Variants in BCL2 observed in about 807,000 individuals in gnomAD.
BCL2 encodes BCL2 apoptosis regulator, also known as apoptosis regulator Bcl-2.
In BCL2, 1 loss-of-function variant was observed where a neutral mutation model predicts 14.2. The ratio of observed to expected loss-of-function variants is 0.07; its 90% CI spans 0.02 to 0.33. The LOEUF is 0.33. Among genes scored for constraint, BCL2 ranks in the 10% least tolerant of loss-of-function variants. BCL2 has a pLI of 0.99. For synonymous variants in BCL2, 151 were observed against 137.2 expected (o/e 1.10, Z -0.70); for missense variants, 247 against 305.9 (o/e 0.81, Z 1.44).
intron 2 of BCL2, among the ~76,000 whole-genome samples, chr18:63,147,719 T>G (rs1439887387): frequency 1.3e-5 from 2 of 152,212 alleles, no homozygotes; most frequent in East Asian, 1.9e-4. Context: ...TTATGAAAAA[T>G]TAAGGGATGT....
chr18:63,181,700 T>A (rs1053658835), intron 2 of BCL2, among the ~76,000 whole-genome samples: 10 of 152,190 alleles, frequency 6.6e-5, no homozygotes, highest in Admixed American at 5.9e-4. Context: ...TTCACCATCA[T>A]CCTATCAAAT....
chr18:63,256,039 G>A (rs1292273174), intron 2 of BCL2, among the ~76,000 whole-genome samples: 1 of 152,038 alleles, frequency 6.6e-6, no homozygotes, highest in Non-Finnish European at 1.5e-5. Context: ...TTACCTGATG[G>A]TTAATTAATC....
chr18:63,244,630 C>A (rs994082864), intron 2 of BCL2, among the ~76,000 whole-genome samples: 1 of 152,100 alleles, frequency 6.6e-6, no homozygotes, highest in Non-Finnish European at 1.5e-5. Flanking sequence ...CTAGAATAAT[C>A]CAGGTAAAAT....
intron 2 of BCL2, among the ~76,000 whole-genome samples, chr18:63,169,248 T>TTTTCTTTCTTTCTTTCTTTCTTTC (rs145779306): frequency 2.3e-4 from 25 of 108,264 alleles, no homozygotes; most frequent in South Asian, 3.3e-4. Flanking sequence ...CCCTTCGTGT[T>TTTTCTTTCTTTCTTTCTTTCTTTC]TTTCTTTCTT....
chr18:63,203,136 G>A (rs1909746081), intron 2 of BCL2, among the ~76,000 whole-genome samples: 1 of 152,190 alleles, frequency 6.6e-6, no homozygotes, highest in South Asian at 2.1e-4. Context: ...ACTTTGCCAG[G>A]ACCAAGCCCC....
In BCL2 at chr18:63,202,143, T is replaced by C. The variant is rs4411604; in HGVS notation, c.586-73384A>G. ...GGCGAACATGGTGAAACCCTGTCTC[T>C]ACTAAAAATACAAAAATTAGCCAGG... On this transcript the variant is annotated intron_variant, in intron 2 of 2. Transcript: ENST00000333681. Among the ~76,000 whole-genome samples the C allele has an allele frequency of 8.1e-3, 1,227 of 152,092 alleles. 11 individuals carry two copies. Among genetic ancestry groups the C allele is most frequent in the Non-Finnish European group, 0.014 (956 of 67,994 alleles).
At chr18:63,237,248 G>A (rs1471177227) in intron 2 of BCL2, among the ~76,000 whole-genome samples, 2 of 151,810 alleles carry the variant, frequency 1.3e-5, no homozygotes, top group African/African-American at 4.9e-5. Flanking sequence ...GGAGTAAACA[G>A]GCGGGGGGGA....
chr18:63,204,539 A>T (rs1196468920), intron 2 of BCL2, among the ~76,000 whole-genome samples: 1 of 152,158 alleles, frequency 6.6e-6, no homozygotes, highest in Non-Finnish European at 1.5e-5. Flanking sequence ...CCAAATAATC[A>T]CATCCATATG....
chr18:63,206,968 G>A (rs1909854885), intron 2 of BCL2, among the ~76,000 whole-genome samples: 1 of 152,192 alleles, frequency 6.6e-6, no homozygotes, highest in Non-Finnish European at 1.5e-5. Flanking sequence ...CTGGGGAGAA[G>A]GGAAGCTTTT....
intron 2 of BCL2, among the ~76,000 whole-genome samples, chr18:63,226,248 AT>A (rs987150125): frequency 1.2e-4 from 19 of 152,122 alleles, no homozygotes; most frequent in Admixed American, 7.2e-4. Context: ...GGAGCCAGGG[AT>A]TTTTTATGGG....
intron 2 of BCL2, among the ~76,000 whole-genome samples, chr18:63,233,322 A>C (rs1474640399): frequency 2.6e-5 from 4 of 152,236 alleles, no homozygotes; most frequent in Non-Finnish European, 4.4e-5. Flanking sequence ...CAGAAACATA[A>C]CTTCAAGTGA....
At chr18:63,269,683 T>A (rs1911947300) in intron 2 of BCL2, among the ~76,000 whole-genome samples, 1 of 152,226 alleles carries the variant, frequency 6.6e-6, no homozygotes. Flanking sequence ...AAATATTGTA[T>A]CTTAAAAGAT....
At chr18:63,164,881 TAATAGAAG>T (rs1915005851) in intron 2 of BCL2, among the ~76,000 whole-genome samples, 1 of 152,128 alleles carries the variant, frequency 6.6e-6, no homozygotes, top group African/African-American at 2.4e-5. Context: ...TCAAGTCAAT[TAATAGAAG>T]AATATTTTTC....
At chr18:63,153,587 G>A (rs987407056) in intron 2 of BCL2, among the ~76,000 whole-genome samples, 1 of 152,132 alleles carries the variant, frequency 6.6e-6, no homozygotes, top group Non-Finnish European at 1.5e-5. Flanking sequence ...TTCAAATGAA[G>A]CTCAATACCT....
chr18:63,286,468 A>G (rs919326992), intron 2 of BCL2, among the ~76,000 whole-genome samples: 4 of 152,086 alleles, frequency 2.6e-5, no homozygotes, highest in Non-Finnish European at 4.4e-5. Context: ...AAAGGAGTTG[A>G]ACGTAGCTGG....
At chr18:63,213,547 A>AACACACACAC (rs57058660) in intron 2 of BCL2, among the ~76,000 whole-genome samples, 3,066 of 146,318 alleles carry the variant, frequency 0.021, 59 homozygotes, top group Non-Finnish European at 0.031. Flanking sequence ...CACACACATA[A>AACACACACAC]ACACACACAC....
chr18:63,252,111 A>C (rs1412445599), intron 2 of BCL2, among the ~76,000 whole-genome samples: 6 of 152,206 alleles, frequency 3.9e-5, no homozygotes, highest in African/African-American at 1.4e-4. Context: ...TGTCTCTACC[A>C]ATCTTTTAGT....
chr18:63,171,258 C>G (rs1403323816), intron 2 of BCL2, among the ~76,000 whole-genome samples: 6 of 152,140 alleles, frequency 3.9e-5, no homozygotes, highest in Non-Finnish European at 8.8e-5. Flanking sequence ...AAACAAAAAC[C>G]AACACCTTAA....
intron 2 of BCL2, among the ~76,000 whole-genome samples, chr18:63,266,180 G>A (rs1599279084): frequency 6.6e-6 from 1 of 151,850 alleles, no homozygotes; most frequent in South Asian, 2.1e-4. Context: ...ATCCAAAAAG[G>A]AGACTGATTA....
Sources: gnomAD v4.1 joint callset for allele counts (sites outside exome capture counted in the v4.1 genomes callset) on GRCh38, gnomAD v4.1.1 for gene constraint, MANE v1.5 for transcripts, NCBI Gene and HGNC (gene_info 2026-07-23, HGNC 2026-07-21) for gene names.